Variants in UNK observed in about 807,000 individuals in gnomAD.
UNK encodes RING finger protein unkempt homolog.
A neutral mutation model predicts 97.6 loss-of-function variants in UNK; 32 were observed. That is an observed-to-expected ratio of 0.33 (90% CI 0.25 to 0.44). The LOEUF (loss-of-function observed/expected upper bound fraction) is 0.44. Among genes scored for constraint, UNK ranks in the 20% least tolerant of loss-of-function variants. UNK has a pLI of 1.00. For synonymous variants in UNK, 441 were observed against 461.2 expected (o/e 0.96, Z 0.56); for missense variants, 771 against 1,098.4 (o/e 0.70, Z 4.21).
At chr17:75,786,801 G>C (rs1283638218) in intron 1 of UNK, among the ~76,000 whole-genome samples, 1 of 152,152 alleles carries the variant, frequency 6.6e-6, no homozygotes, top group Non-Finnish European at 1.5e-5. Context: ...AGGTGGCAGT[G>C]AGCCGAGATC....
chr17:75,789,930 C>T (rs1449288469), intron 1 of UNK, among the ~76,000 whole-genome samples: 2 of 152,022 alleles, frequency 1.3e-5, no homozygotes, highest in Non-Finnish European at 1.5e-5. Flanking sequence ...ATCATGAGGT[C>T]AGGAGTTCGA....
intron 6 of UNK, 127 bp downstream of exon 6, chr17:75,814,005 C>G: frequency 1.2e-6 from 1 of 811,640 alleles, no homozygotes; most frequent in Non-Finnish European, 1.9e-6. Flanking sequence ...GCCACCAGCT[C>G]TCCCCTGGCA....
intron 1 of UNK, chr17:75,794,036 AT>A: frequency 1.0e-6 from 1 of 985,280 alleles, no homozygotes; most frequent in Non-Finnish European, 1.2e-6. Context: ...TCACTTCAGG[AT>A]TTGTGTGAAT....
rs1450813974 is a variant in UNK at position 75,816,761 on chromosome 17, C to T, written c.962-9C>T. ...GGGGCCTGCTGACCCCTGCCCCTGA[C>T]TCTTGCAGAGCCACCCCTGAGTGAC... On this transcript the variant is annotated splice_polypyrimidine_tract_variant and intron_variant, in intron 7 of 15. Transcript: ENST00000589666. This position sits in a 1 kb window ranked among gnomAD's most constrained non-coding sequence, Gnocchi z 4.0. The T allele has an allele frequency of 1.3e-6, 2 of 1,597,298 alleles. No homozygotes were observed. Among genetic ancestry groups the T allele is most frequent in the East Asian group, 4.5e-5 (2 of 44,784 alleles).
At position 75,822,555 on chromosome 17, in the gene UNK, T is replaced by C. The variant is rs1187926457; in HGVS notation, c.1916T>C (p.Leu639Pro). 3 of 1,613,414 alleles carry C rather than the reference T, an allele frequency of 1.9e-6. No homozygotes were observed. Among genetic ancestry groups the C allele is most frequent in the African/African-American group, 1.3e-5 (1 of 74,956 alleles). Residue 639 changes from leucine (L) to proline (P), a missense_variant, in exon 14 of 16, where the codon CTA becomes CCA. Leu to Pro is a moderately conservative substitution (Grantham distance 98). This residue lies in a region of UNK where 208 missense variants were observed against 257.4 expected (regional missense o/e 0.81). Transcript: ENST00000589666. Reference sequence around the variant, plus strand: ...TCCCCGGGCACTTCCCCCGCTTTCCTATCAGGGCCAGGGGCTGCCGAGCTG... The same window carrying C: ...TCCCCGGGCACTTCCCCCGCTTTCCCATCAGGGCCAGGGGCTGCCGAGCTG... ...SFSPGTSPAF[L>P]SGPGAAELAR...
rs2062044303 is a variant in UNK at position 75,819,279 on chromosome 17, TTCCC to T, written c.1547-404_1547-401del. ...CTGCTCCTGCCCTCTAGAGGGAAAC[TTCCC>T]ACCCAGTGGACATTTGTCAAGCACC... On this transcript the variant is annotated intron_variant, in intron 11 of 15. Coordinates refer to ENST00000589666, the MANE Select transcript of UNK (RefSeq NM_001080419.3). This position sits in a 1 kb window ranked among gnomAD's most constrained non-coding sequence, Gnocchi z 5.4. The T allele has an allele frequency of 8.0e-6, 2 of 250,290 alleles. No individual in the cohort carries two copies. Among genetic ancestry groups the T allele is most frequent in the Non-Finnish European group, 1.5e-5 (2 of 130,358 alleles). The allele number at this position is 250,290 out of a possible 1,614,324, so 15.5% of individuals were successfully genotyped here.
intron 1 of UNK, among the ~76,000 whole-genome samples, chr17:75,803,133 T>A (rs373956736): frequency 6.8e-6 from 1 of 148,060 alleles, no homozygotes; most frequent in Non-Finnish European, 1.5e-5. Flanking sequence ...ACGCGGTGGC[T>A]CACACCTGTA....
intron 1 of UNK, among the ~76,000 whole-genome samples, chr17:75,801,670 C>T (rs769236823): frequency 6.6e-6 from 1 of 151,790 alleles, no homozygotes; most frequent in Non-Finnish European, 1.5e-5. Context: ...CCTCAGCCTC[C>T]TGAGTAGCTG....
chr17:75,809,192 G>T (rs1004875658), intron 1 of UNK, among the ~76,000 whole-genome samples: 4 of 152,166 alleles, frequency 2.6e-5, no homozygotes, highest in Admixed American at 2.6e-4. Flanking sequence ...CTGGGCGGAG[G>T]CGGGCAGACA....
chr17:75,816,923 A>G lies in UNK; in HGVS notation c.1104+11A>G, dbSNP rs761156653. On this transcript the variant is annotated intron_variant, in intron 8 of 15. Coordinates refer to ENST00000589666, the MANE Select transcript of UNK (RefSeq NM_001080419.3). The surrounding 1 kb of genome is among the most constrained non-coding windows in gnomAD (Gnocchi z 4.0). ...CCTGACCTCAGTGCCGTACGTGTCC[A>G]TCCTGGGGAGTGGGTGGGCACCATG... is the stretch of plus-strand genomic sequence containing the variant. 5 of 1,597,132 alleles carry G rather than the reference A, an allele frequency of 3.1e-6. No individual in the cohort carries two copies. The highest frequency in any genetic ancestry group is 4.5e-5 in the East Asian group (2 of 44,604).
chr17:75,797,272 G>T (rs964997481), intron 1 of UNK, among the ~76,000 whole-genome samples: 5 of 152,174 alleles, frequency 3.3e-5, no homozygotes, highest in South Asian at 2.1e-4. Context: ...GTTTCACTCT[G>T]TCCCCCAGGC....
In UNK at chr17:75,824,777, A is replaced by T. The variant is rs1394050698; in HGVS notation, c.*360A>T. ...TTCTCCCACTGGCCTTTTGGCAGAG[A>T]ATCTGGTTCTGTCTCTTTTTTAATG... On this transcript the variant is annotated 3_prime_UTR_variant, in exon 16 of 16. Coordinates refer to ENST00000589666, the MANE Select transcript of UNK (RefSeq NM_001080419.3). The surrounding 1 kb of genome is among the most constrained non-coding windows in gnomAD (Gnocchi z 4.9). 6.5e-6 allele frequency: 1 copy of T among 152,900 alleles called. No homozygotes were observed. Among genetic ancestry groups the T allele is most frequent in the East Asian group, 1.9e-4 (1 of 5,214 alleles). 9.5% of individuals were successfully genotyped at this position (152,900 alleles called of 1,614,324 possible).
At chr17:75,815,423 G>T (rs1306145097) in intron 7 of UNK, among the ~76,000 whole-genome samples, 170 bp downstream of exon 7, 1 of 152,228 alleles carries the variant, frequency 6.6e-6, no homozygotes, top group Non-Finnish European at 1.5e-5. Context: ...CACCTTTCTG[G>T]AAGTAGCCTT....
chr17:75,793,641 T>C lies in UNK; in HGVS notation c.104+8657T>C, dbSNP rs1355408708. 5 of 985,454 alleles carry C rather than the reference T, an allele frequency of 5.1e-6. No individual in the cohort carries two copies. In the African/African-American group the frequency reaches 8.7e-5, roughly 17 times the overall value. The allele number at this position is 985,454 out of a possible 1,614,324, so 61.0% of individuals were successfully genotyped here. ...ATCATCAAGTCGTATCTGAACTTAT[T>C]GAACTGTTTCCTCCCCTTCCTTATT... On this transcript the variant is annotated intron_variant, in intron 1 of 15. Coordinates refer to ENST00000589666, the MANE Select transcript of UNK (RefSeq NM_001080419.3).
chr17:75,813,932 G>A, intron 6 of UNK, 54 bp downstream of exon 6: 2 of 1,481,180 alleles, frequency 1.4e-6, no homozygotes, highest in Non-Finnish European at 1.8e-6. Flanking sequence ...GAGAGAGGCA[G>A]GCAGGATCAG....
intron 1 of UNK, 22 bp downstream of exon 1, chr17:75,785,006 CCG>C (rs1306206369): frequency 2.2e-6 from 3 of 1,361,030 alleles, no homozygotes; most frequent in Non-Finnish European, 2.9e-6. Flanking sequence ...CCCCCCCCCC[CCG>C]CCGCGCGCGC....
chr17:75,786,832 G>C (rs758205401), intron 1 of UNK, among the ~76,000 whole-genome samples: 2 of 152,114 alleles, frequency 1.3e-5, no homozygotes, highest in Non-Finnish European at 2.9e-5. Flanking sequence ...ACTCCAGCCT[G>C]AGCGACAAGA....
Position 75,818,517 on chromosome 17 carries a change from A to AAC in UNK, c.1372-125_1372-124insAC. 5.1e-6 allele frequency: 6 copies of AAC among 1,173,236 alleles called. No homozygotes were observed. Among genetic ancestry groups the AAC allele is most frequent in the Admixed American group, 2.8e-5 (1 of 35,784 alleles). The allele number at this position is 1,173,236 out of a possible 1,614,324, so 72.7% of individuals were successfully genotyped here. On this transcript the variant is annotated intron_variant, in intron 10 of 15. Coordinates refer to ENST00000589666, the MANE Select transcript of UNK (RefSeq NM_001080419.3). The surrounding 1 kb of genome is among the most constrained non-coding windows in gnomAD (Gnocchi z 5.1). Reference sequence around the variant, plus strand: ...CGGGTGTGCCGGGGCCCATGTGGGCATGGGGGCACCCGGACTAGAGCTAGC... The same window carrying AAC: ...CGGGTGTGCCGGGGCCCATGTGGGCAACTGGGGGCACCCGGACTAGAGCTAGC...
chr17:75,813,714 T>A lies in UNK; in HGVS notation c.759-47T>A, dbSNP rs1423147523. The A allele has an allele frequency of 2.6e-6, 4 of 1,512,668 alleles. No homozygotes were observed. The African/African-American group carries it at 5.5e-5, about 21-fold the overall frequency. 93.7% of individuals were successfully genotyped at this position (1,512,668 alleles called of 1,614,324 possible). A position where few individuals can be genotyped will look rare whatever the true frequency, so the allele number is the denominator to read the frequency against. Reference sequence around the variant, plus strand: ...CCAGGTGGCACCTGCTAGGCTCCGATCTCACCTTCTCCTTTCTCCATCTGA... The same window carrying A: ...CCAGGTGGCACCTGCTAGGCTCCGAACTCACCTTCTCCTTTCTCCATCTGA... On this transcript the variant is annotated intron_variant, in intron 5 of 15. Transcript: ENST00000589666.
Sources: gnomAD v4.1 joint callset for allele counts (sites outside exome capture counted in the v4.1 genomes callset) on GRCh38, gnomAD v4.1.1 for gene constraint, gnomAD v4.1.1 regional missense constraint, Gnocchi (gnomAD v3.1) non-coding constraint, MANE v1.5 for transcripts, NCBI Gene and HGNC (gene_info 2026-07-23, HGNC 2026-07-21) for gene names.